The following CCDC7 variants were observed in gnomAD, a reference collection of about 807,000 sequenced individuals.
CCDC7 encodes coiled-coil domain containing 7, also known as coiled-coil domain-containing protein 7.
CCDC7 carries 183 observed loss-of-function variants against 196.9 expected under a neutral mutation model. The observed-to-expected ratio is 0.93, with a 90% CI of 0.82 to 1.05. The LOEUF is 1.05. CCDC7 is among the 50% of genes least tolerant of loss of function. The pLI is 0.00. For synonymous variants in CCDC7, 525 were observed against 484.6 expected, an observed-to-expected ratio of 1.08 and a Z score of -1.10; for missense variants, 1,540 against 1,482.2, an observed-to-expected ratio of 1.04 and a Z score of -0.64.
intron 25 of CCDC7, among the ~76,000 whole-genome samples, chr10:32,726,295 TATC>T (rs1314851792): frequency 1.3e-5 from 2 of 151,970 alleles, no homozygotes; most frequent in Non-Finnish European, 2.9e-5. Context: ...AGAGTATTTA[TATC>T]ATATCATAAT....
At chr10:32,788,165 C>T (rs868461651) in intron 29 of CCDC7, among the ~76,000 whole-genome samples, 7 of 152,072 alleles carry the variant, frequency 4.6e-5, no homozygotes, top group South Asian at 2.1e-4. Flanking sequence ...CACCCCAGAC[C>T]GATCCCAGAG....
At chr10:32,593,606 C>T (rs922169273) in intron 18 of CCDC7, among the ~76,000 whole-genome samples, 1 of 152,042 alleles carries the variant, frequency 6.6e-6, no homozygotes, top group Admixed American at 6.6e-5. Flanking sequence ...TGGTGTTTTA[C>T]ACATGAAGTC....
At chr10:32,660,134 T>A (rs995617285) in intron 20 of CCDC7, among the ~76,000 whole-genome samples, 23 of 152,100 alleles carry the variant, frequency 1.5e-4, no homozygotes, top group African/African-American at 3.1e-4. Context: ...TCTTTTTTTT[T>A]AATATTATAC....
At chr10:32,561,866 GT>G (rs1232152147) in intron 13 of CCDC7, among the ~76,000 whole-genome samples, 18 of 152,190 alleles carry the variant, frequency 1.2e-4, no homozygotes, top group African/African-American at 3.9e-4. Context: ...CCAGGAGCTG[GT>G]TTTTTGAAAG....
intron 16 of CCDC7, among the ~76,000 whole-genome samples, chr10:32,579,112 G>A (rs993650793): frequency 2.8e-4 from 42 of 152,170 alleles, no homozygotes; most frequent in Admixed American, 2.7e-3. Flanking sequence ...CTACATATGT[G>A]TGTCAGTAGT....
At chr10:32,617,641 T>C (rs1292912426) in intron 18 of CCDC7, among the ~76,000 whole-genome samples, 3 of 151,978 alleles carry the variant, frequency 2.0e-5, no homozygotes, top group Non-Finnish European at 2.9e-5. Context: ...TCCACTGTAG[T>C]CTGAGAAGAC....
At chr10:32,849,701 CAAAAAAA>C (rs34677799) in intron 39 of CCDC7, among the ~76,000 whole-genome samples, 3 of 80,822 alleles carry the variant, frequency 3.7e-5, no homozygotes, top group Non-Finnish European at 6.8e-5. Context: ...GACTCCGTCT[CAAAAAAA>C]AAAAAAAAAA....
chr10:32,638,805 G>A (rs2066153219), intron 20 of CCDC7, among the ~76,000 whole-genome samples: 2 of 152,178 alleles, frequency 1.3e-5, no homozygotes, highest in Non-Finnish European at 2.9e-5. Context: ...AGAAGGAATG[G>A]TACCAGCTTC....
chr10:32,706,600 A>C (rs2079805262), intron 24 of CCDC7, among the ~76,000 whole-genome samples: 1 of 152,120 alleles, frequency 6.6e-6, no homozygotes, highest in South Asian at 2.1e-4. Context: ...AAAAGAGAGA[A>C]GAATCAAATA....
At chr10:32,590,312 A>G (rs941465614) in intron 18 of CCDC7, among the ~76,000 whole-genome samples, 3 of 141,874 alleles carry the variant, frequency 2.1e-5, no homozygotes, top group African/African-American at 7.3e-5. Context: ...CTTAACACTG[A>G]TTGCACAAAT....
intron 15 of CCDC7, among the ~76,000 whole-genome samples, chr10:32,569,390 A>T (rs757103262): frequency 9.9e-5 from 15 of 152,134 alleles, no homozygotes; most frequent in Non-Finnish European, 1.9e-4. Context: ...AATCTATTTG[A>T]TGCTATTCTG....
At chr10:32,640,851 GCTTGTAGA>G (rs1232746570) in intron 20 of CCDC7, among the ~76,000 whole-genome samples, 1 of 143,116 alleles carries the variant, frequency 7.0e-6, no homozygotes, top group East Asian at 2.1e-4. Flanking sequence ...GTCTCTTCTG[GCTTGTAGA>G]TTTTCTTTTT....
chr10:32,603,611 G>T (rs2061298065), intron 18 of CCDC7, among the ~76,000 whole-genome samples: 2 of 142,948 alleles, frequency 1.4e-5, no homozygotes, highest in Admixed American at 7.0e-5. Context: ...ATCTTTGACA[G>T]TGTTTGTTAT....
At chr10:32,488,734 G>A (rs2041673200) in intron 8 of CCDC7, among the ~76,000 whole-genome samples, 2 of 152,138 alleles carry the variant, frequency 1.3e-5, no homozygotes, top group Non-Finnish European at 2.9e-5. Context: ...TTGTTAAGTT[G>A]TCCATCAGTG....
At chr10:32,484,039 A>T (rs1353334203) in intron 8 of CCDC7, among the ~76,000 whole-genome samples, 1 of 152,218 alleles carries the variant, frequency 6.6e-6, no homozygotes, top group Non-Finnish European at 1.5e-5. Flanking sequence ...GAAGAAAGTC[A>T]TTGGTAGCTT....
chr10:32,736,389 A>G (rs2084874893), intron 28 of CCDC7, among the ~76,000 whole-genome samples: 1 of 151,860 alleles, frequency 6.6e-6, no homozygotes, highest in African/African-American at 2.4e-5. Context: ...ATATTTTTTT[A>G]ATTTTAGTTT....
chr10:32,664,232 A>G, intron 21 of CCDC7, 71 bp downstream of exon 22: 1 of 382,464 alleles, frequency 2.6e-6, no homozygotes, highest in Admixed American at 4.5e-5. Context: ...TAAAAATTAT[A>G]TACATTCATC....
At chr10:32,751,333 C>T (rs191625085) in intron 28 of CCDC7, among the ~76,000 whole-genome samples, 140 of 152,106 alleles carry the variant, frequency 9.2e-4, no homozygotes, top group African/African-American at 3.1e-3. Flanking sequence ...TTATTGAGAT[C>T]AAGCCAGTAC....
In CCDC7 at chr10:32,700,486, C is replaced by T. The variant is rs570842346; in HGVS notation, c.2458+5494C>T. ...TGTAGTATAGTTTGAAGTCAGGTAGCGTGATGCCTCCAGCTTTGTTCTTTT... is the reference window on the plus strand; with the variant it reads ...TGTAGTATAGTTTGAAGTCAGGTAGTGTGATGCCTCCAGCTTTGTTCTTTT... On this transcript the variant is annotated intron_variant, in intron 24 of 41. Coordinates refer to ENST00000639629, the Ensembl canonical transcript of CCDC7. Among the ~76,000 whole-genome samples, 1,230 of 152,118 alleles carry T rather than the reference C, an allele frequency of 8.1e-3. 8 individuals are homozygous for T. Among genetic ancestry groups the T allele is most frequent in the Middle Eastern group, 0.02 (6 of 294 alleles).
Sources: gnomAD v4.1 joint callset for allele counts (sites outside exome capture counted in the v4.1 genomes callset) on GRCh38, gnomAD v4.1.1 for gene constraint, MANE v1.5 for transcripts, NCBI Gene and HGNC (gene_info 2026-07-23, HGNC 2026-07-21) for gene names.